Variants in NRG3 observed in about 807,000 individuals in gnomAD.
The protein encoded by NRG3 is pro-neuregulin-3, membrane-bound isoform.
A neutral mutation model predicts 66.9 loss-of-function variants in NRG3; 31 were observed. The observed-to-expected ratio is 0.46, with a 90% CI of 0.35 to 0.63. The LOEUF (loss-of-function observed/expected upper bound fraction) is 0.63, where lower values mean the gene tolerates loss of function less well. Among genes scored for constraint, NRG3 ranks in the 20% least tolerant of loss-of-function variants. The probability of loss-of-function intolerance (pLI) is 0.00; values close to 1 mark genes in which losing one functional copy is unlikely to be tolerated. For synonymous variants in NRG3, 393 were observed against 359.4 expected (o/e 1.09, Z -1.06); for missense variants, 910 against 878.9 (o/e 1.04, Z -0.45).
chr10:82,310,569 A>G (rs1045425439), intron 1 of NRG3, among the ~76,000 whole-genome samples: 1 of 152,214 alleles, frequency 6.6e-6, no homozygotes, highest in Admixed American at 6.5e-5. Flanking sequence ...TTTCCAAAAT[A>G]TACACATCAA....
intron 2 of NRG3, among the ~76,000 whole-genome samples, chr10:82,560,771 A>G (rs1211201162): frequency 6.6e-6 from 1 of 150,844 alleles, no homozygotes; most frequent in Non-Finnish European, 1.5e-5. Flanking sequence ...ATTAAAGAGT[A>G]TTTCCTCTTT....
At chr10:82,932,335 G>A (rs1293734046) in intron 4 of NRG3, among the ~76,000 whole-genome samples, 1 of 152,160 alleles carries the variant, frequency 6.6e-6, no homozygotes, top group Admixed American at 6.5e-5. Flanking sequence ...TCAATTTAGG[G>A]TGATTGAGAT....
At chr10:82,382,843 T>A (rs2085710082) in intron 2 of NRG3, among the ~76,000 whole-genome samples, 1 of 151,986 alleles carries the variant, frequency 6.6e-6, no homozygotes, top group Non-Finnish European at 1.5e-5. Context: ...ATTAAGCTAT[T>A]CATATGGTGT....
chr10:82,935,421 A>C (rs1336483972), intron 4 of NRG3, among the ~76,000 whole-genome samples: 1 of 152,214 alleles, frequency 6.6e-6, no homozygotes, highest in African/African-American at 2.4e-5. Context: ...CAGTGATTAT[A>C]GTTAGGCAAT....
chr10:82,835,902 G>A (rs531348954), intron 3 of NRG3, among the ~76,000 whole-genome samples: 2 of 152,120 alleles, frequency 1.3e-5, no homozygotes, highest in Non-Finnish European at 2.9e-5. Flanking sequence ...TCTGATATGA[G>A]AAAGGGAGTT....
intron 2 of NRG3, among the ~76,000 whole-genome samples, chr10:82,497,521 C>T (rs966082206): frequency 7.9e-5 from 12 of 152,064 alleles, no homozygotes; most frequent in African/African-American, 2.9e-4. Flanking sequence ...CCAAGGTCAT[C>T]CATATTGTTA....
At chr10:82,837,526 G>C (rs976386232) in intron 3 of NRG3, among the ~76,000 whole-genome samples, 1 of 152,024 alleles carries the variant, frequency 6.6e-6, no homozygotes, top group Non-Finnish European at 1.5e-5. Flanking sequence ...AAATAAAGAA[G>C]ACGAAAAAAT....
At position 82,415,545 on chromosome 10, in the gene NRG3, T is replaced by A; in HGVS notation, c.953+56677T>A. 2.6e-5 allele frequency among the ~76,000 whole-genome samples: 4 copies of A among 152,264 alleles called. No homozygotes were observed. The South Asian group carries it at 8.3e-4, about 32-fold the overall frequency. ...GGAAACTGCCCATCATGCATAAAAA[T>A]AATTTTGATTTTGATGTACAGAGTT... On this transcript the variant is annotated intron_variant, in intron 2 of 8. Coordinates refer to ENST00000372141, the MANE Select transcript of NRG3 (RefSeq NM_001010848.4).
In NRG3 at chr10:82,103,788, C is replaced by T. The variant is rs558180118; in HGVS notation, c.823+227625C>T. Among the ~76,000 whole-genome samples the T allele has an allele frequency of 2.0e-4, 31 of 152,100 alleles. 1 individual carries two copies. Among genetic ancestry groups the T allele is most frequent in the Middle Eastern group, 3.4e-3 (1 of 292 alleles). ...GATGGGTTTTTTCCTTTGGCTTTTACGTGCCTGGGCTGCCACTACCATTAT... is the reference window on the plus strand; with the variant it reads ...GATGGGTTTTTTCCTTTGGCTTTTATGTGCCTGGGCTGCCACTACCATTAT... On this transcript the variant is annotated intron_variant, in intron 1 of 8. Transcript: ENST00000372141.
At position 81,875,583 on chromosome 10, in the gene NRG3, C is replaced by T. The variant is rs1010732697; in HGVS notation, c.243C>T (p.Leu81=). The T allele has an allele frequency of 1.2e-6, 2 of 1,613,452 alleles. No homozygotes were observed. Among genetic ancestry groups the T allele is most frequent in the Admixed American group, 3.3e-5 (2 of 60,002 alleles). The change falls in exon 1 of 9, where the codon CTC becomes CTT. Residue 81 remains leucine (L), a synonymous_variant. Transcript: ENST00000372141. This position sits in a 1 kb window ranked among gnomAD's most constrained non-coding sequence, Gnocchi z 5.3. ...TCATCGGCTTCATCGGCCTGGGGCTCAGCCTCATGCTTCTCAAATGGATCG... is the reference window on the plus strand; with the variant it reads ...TCATCGGCTTCATCGGCCTGGGGCTTAGCCTCATGCTTCTCAAATGGATCG... ...PLFIGFIGLG[L]SLMLLKWIVV...
At chr10:82,048,011 C>T (rs2063393987) in intron 1 of NRG3, among the ~76,000 whole-genome samples, 1 of 151,290 alleles carries the variant, frequency 6.6e-6, no homozygotes. Flanking sequence ...AAGGCCATTA[C>T]ATAATGGTAA....
chr10:82,217,290 A>T (rs2434063), intron 1 of NRG3, among the ~76,000 whole-genome samples: 16,868 of 152,162 alleles, frequency 0.11, 1,045 homozygotes, highest in Middle Eastern at 0.18. Flanking sequence ...TGGAGTCTGC[A>T]TTCCAGCTAC....
chr10:82,691,509 G>T (rs1006297210), intron 2 of NRG3, among the ~76,000 whole-genome samples: 16 of 152,156 alleles, frequency 1.1e-4, no homozygotes, highest in Admixed American at 1.3e-4. Flanking sequence ...CACTGACTGT[G>T]GGATTTGTCT....
At chr10:82,975,417 T>G (rs1852158565) in intron 7 of NRG3, among the ~76,000 whole-genome samples, 1 of 152,150 alleles carries the variant, frequency 6.6e-6, no homozygotes, top group Non-Finnish European at 1.5e-5. Context: ...AATATTCCTA[T>G]CCCCAGTTCT....
intron 3 of NRG3, among the ~76,000 whole-genome samples, chr10:82,800,133 C>T (rs920915117): frequency 6.6e-6 from 1 of 152,142 alleles, no homozygotes; most frequent in East Asian, 1.9e-4. Context: ...TCTTATTTCT[C>T]GGTTTTCTGT....
chr10:81,999,272 T>A (rs559821836), intron 1 of NRG3, among the ~76,000 whole-genome samples: 3 of 152,328 alleles, frequency 2.0e-5, no homozygotes, highest in East Asian at 1.9e-4. Context: ...GACACTTTTT[T>A]AAAAGAGACA....
intron 2 of NRG3, among the ~76,000 whole-genome samples, chr10:82,579,413 C>A (rs564568981): frequency 6.6e-6 from 1 of 152,032 alleles, no homozygotes; most frequent in Non-Finnish European, 1.5e-5. Flanking sequence ...CTTCACTTCC[C>A]CTCCACAGCC....
chr10:82,784,797 C>A (rs1254039826), intron 3 of NRG3, among the ~76,000 whole-genome samples: 2 of 151,908 alleles, frequency 1.3e-5, no homozygotes, highest in African/African-American at 4.8e-5. Flanking sequence ...GTCAGTGTGG[C>A]GATTCCTCAG....
chr10:82,356,676 T>C (rs1207005043), intron 1 of NRG3, among the ~76,000 whole-genome samples: 1 of 152,228 alleles, frequency 6.6e-6, no homozygotes, highest in Non-Finnish European at 1.5e-5. Context: ...TAGTGGTTTA[T>C]TTCAGTGCTC....
Sources: allele counts gnomAD v4.1 joint callset (sites outside exome capture counted in the v4.1 genomes callset), GRCh38; gene constraint gnomAD v4.1.1; non-coding constraint Gnocchi (gnomAD v3.1); transcripts MANE v1.5; gene names NCBI Gene and HGNC (gene_info 2026-07-23, HGNC 2026-07-21).